Variants in EXOSC10 observed in about 807,000 individuals in gnomAD.
EXOSC10 encodes the protein exosome complex component 10.
Under a neutral mutation model 126.6 loss-of-function variants are expected in EXOSC10, and 94 were observed. The observed-to-expected ratio is 0.74, with a 90% confidence interval of 0.63 to 0.88. The LOEUF is 0.88. Ranked by LOEUF, EXOSC10 falls within the 40% of genes least tolerant of loss-of-function variation. The pLI is 0.00. For missense variants in EXOSC10, 1,041 were observed against 1,100.5 expected (o/e 0.95, Z 0.77); for synonymous variants, 395 against 400.8 (o/e 0.99, Z 0.17).
chr1:11,087,163 T>C (rs1370341584), intron 9 of EXOSC10, among the ~76,000 whole-genome samples: 1 of 152,194 alleles, frequency 6.6e-6, no homozygotes, highest in African/African-American at 2.4e-5. Flanking sequence ...AAAGCAGCTC[T>C]AGTAGCTTCA....
chr1:11,090,423 G>A (rs1355238590), intron 6 of EXOSC10, 131 bp downstream of exon 6: 2 of 761,472 alleles, frequency 2.6e-6, no homozygotes, highest in African/African-American at 3.5e-5. Flanking sequence ...TTATTGCTAA[G>A]GCCCAGGTTG....
Position 11,068,051 on chromosome 1 carries a change from C to T in EXOSC10, c.2584G>A (p.Val862Met), listed in dbSNP as rs185396251. The part of the protein sequence containing the change: ...CIAAKKIKQS[V>M]GNKSMSFPTG... Reference sequence around the variant, plus strand: ...GGAAAGGACATGCTTTTGTTTCCCACCGACTGTTTAATTTTTTTGGCTGCA... The same window carrying T: ...GGAAAGGACATGCTTTTGTTTCCCATCGACTGTTTAATTTTTTTGGCTGCA... Residue 862 changes from valine to methionine, a missense_variant, in exon 24 of 25, where the codon GTG (valine) becomes ATG (methionine). Around this residue, in one of 3 missense-constraint regions of EXOSC10, gnomAD observed 388 missense variants for 415.2 expected, o/e 0.93. Coordinates refer to ENST00000376936, the MANE Select transcript of EXOSC10 (RefSeq NM_001001998.3). 2.5e-6 allele frequency: 4 copies of T among 1,614,186 alleles called. No homozygotes were observed. Among genetic ancestry groups the T allele is most frequent in the Admixed American group, 1.7e-5 (1 of 60,016 alleles).
intron 13 of EXOSC10, 94 bp from the exon 14 acceptor site, chr1:11,079,916 GC>G: frequency 2.0e-6 from 2 of 1,006,422 alleles, no homozygotes; most frequent in Non-Finnish European, 3.0e-6. Flanking sequence ...AAGCCAGGCT[GC>G]CACCTAAGCT....
intron 17 of EXOSC10, among the ~76,000 whole-genome samples, chr1:11,076,510 G>A (rs1639825673): frequency 6.6e-6 from 1 of 152,212 alleles, no homozygotes; most frequent in Non-Finnish European, 1.5e-5. Flanking sequence ...CACCACCACT[G>A]CAGCTTGTCT....
chr1:11,096,970 A>G (rs1413951693), intron 2 of EXOSC10, among the ~76,000 whole-genome samples: 1 of 151,836 alleles, frequency 6.6e-6, no homozygotes, highest in Non-Finnish European at 1.5e-5. Context: ...TCCCAACACT[A>G]TGGGAGGCTG....
At chr1:11,090,160 G>A (rs757497126) in intron 6 of EXOSC10, among the ~76,000 whole-genome samples, 25 of 151,998 alleles carry the variant, frequency 1.6e-4, no homozygotes, top group Non-Finnish European at 2.8e-4. Context: ...ACCTCGCCTG[G>A]CTAATTTTTG....
chr1:11,073,637 C>T (rs937641903), intron 19 of EXOSC10, among the ~76,000 whole-genome samples: 14 of 152,046 alleles, frequency 9.2e-5, no homozygotes, highest in African/African-American at 3.4e-4. Flanking sequence ...CGTCTGTAGT[C>T]CCAGCACTTT....
rs767823315 is a variant in EXOSC10 at position 11,087,907 on chromosome 1, A to G, written c.838T>C (p.Tyr280His). The G allele has an allele frequency of 3.4e-5, 54 of 1,579,220 alleles. 1 individual carries two copies. The Admixed American group carries it at 9.0e-4, about 26-fold the overall frequency. The change falls in exon 8 of 25, where the codon TAC (tyrosine) becomes CAC (histidine). Residue 280 changes from tyrosine (Y) to histidine (H), a missense_variant. Tyr to His is a moderately conservative substitution (Grantham distance 83, BLOSUM62 2). Coordinates refer to ENST00000376936, the MANE Select transcript of EXOSC10 (RefSeq NM_001001998.3). ...CATGGTGTCTCTTCTATAGGTCTGT[A>G]TAACTGGATCAAGAGAATAGTAAGA... ...AVLQKPQPQL[Y>H]RPIEETPCHF...
At chr1:11,089,653 G>GA (rs1168127180) in intron 6 of EXOSC10, among the ~76,000 whole-genome samples, 1 of 150,790 alleles carries the variant, frequency 6.6e-6, no homozygotes, top group African/African-American at 2.4e-5. Context: ...AAGAAAGAAA[G>GA]AAAGAAAACA....
Position 11,071,105 on chromosome 1 carries a change from G to C in EXOSC10, c.2243-132C>G, listed in dbSNP as rs918458656. 210 of 730,652 alleles carry C rather than the reference G, an allele frequency of 2.9e-4. 1 individual carries two copies. In the Admixed American group the frequency reaches 5.2e-3, roughly 18 times the overall value. The allele number at this position is 730,652 out of a possible 1,614,324, so 45.3% of individuals were successfully genotyped here. A position where few individuals can be genotyped will look rare whatever the true frequency, so the allele number is the denominator to read the frequency against. On this transcript the variant is annotated intron_variant, in intron 20 of 24. Transcript: ENST00000376936. ...GATTCCTCCTCCCTCTCAGGTCCCC[G>C]GTCCCCCATCTCTGCAGGACAGGCT... is the stretch of plus-strand genomic sequence containing the variant.
chr1:11,088,362 A>G (rs908002598), intron 6 of EXOSC10, among the ~76,000 whole-genome samples, 164 bp from the exon 7 acceptor site: 2 of 152,236 alleles, frequency 1.3e-5, no homozygotes, highest in Non-Finnish European at 2.9e-5. Flanking sequence ...ACAAATCATA[A>G]ATCAGATGAT....
chr1:11,089,789 C>T (rs937187719), intron 6 of EXOSC10, among the ~76,000 whole-genome samples: 1 of 151,424 alleles, frequency 6.6e-6, no homozygotes, highest in Non-Finnish European at 1.5e-5. Context: ...ACAGAAAATA[C>T]AAAAATTAGC....
chr1:11,084,422 T>G (rs1005126516), intron 9 of EXOSC10, among the ~76,000 whole-genome samples: 2 of 152,236 alleles, frequency 1.3e-5, no homozygotes, highest in African/African-American at 4.8e-5. Flanking sequence ...TGCATAAATG[T>G]CTTCTTTTGA....
intron 6 of EXOSC10, 76 bp from the exon 7 acceptor site, chr1:11,088,274 A>C (rs1216704497): frequency 9.6e-7 from 1 of 1,039,394 alleles, no homozygotes; most frequent in Non-Finnish European, 1.4e-6. Context: ...CCTTTTATCC[A>C]ATCTGTAAAA....
At chr1:11,092,072 T>C (rs965591603) in intron 3 of EXOSC10, among the ~76,000 whole-genome samples, 1 of 152,226 alleles carries the variant, frequency 6.6e-6, no homozygotes, top group African/African-American at 2.4e-5. Context: ...GATCAATGTA[T>C]GTATCAAAAC....
chr1:11,074,851 C>T (rs574084734), intron 17 of EXOSC10, among the ~76,000 whole-genome samples: 1 of 152,244 alleles, frequency 6.6e-6, no homozygotes, highest in African/African-American at 2.4e-5. Context: ...CTCAGCATGT[C>T]CTCATAGCCT....
chr1:11,083,790 A>G (rs1471696990), intron 9 of EXOSC10, among the ~76,000 whole-genome samples: 1 of 144,756 alleles, frequency 6.9e-6, no homozygotes, highest in African/African-American at 2.6e-5. Context: ...TCCCCACCCC[A>G]CAACAGTCCC....
At chr1:11,070,265 T>TAAAAA (rs35601923) in intron 21 of EXOSC10, among the ~76,000 whole-genome samples, 2 of 100,584 alleles carry the variant, frequency 2.0e-5, no homozygotes, top group African/African-American at 4.3e-5. Context: ...AAAAGGAAAT[T>TAAAAA]AAAAAAAAAA....
rs1276892588 is a variant in EXOSC10, at chr1:11,077,375, G to A, written c.1869C>T (p.Ile623=). 1 of 1,611,204 alleles carries A rather than the reference G, an allele frequency of 6.2e-7. No homozygotes were observed. Among genetic ancestry groups the A allele is most frequent in the Non-Finnish European group, 8.5e-7 (1 of 1,177,758 alleles). Residue 623 remains isoleucine, a synonymous_variant, in exon 16 of 25, where the codon ATC becomes ATT. Transcript: ENST00000376936. The stretch of plus-strand genomic sequence containing the variant: ...GGCTCTCGACTTTACCACTGGTTGG[G>A]ATGATTGGATAGCCATCCGGAGGGG... The part of the protein sequence containing the change: ...SHAPPDGYPI[I]PTSGSVPVQK...
Sources: gnomAD v4.1 joint callset for allele counts (sites outside exome capture counted in the v4.1 genomes callset) on GRCh38, gnomAD v4.1.1 for gene constraint, gnomAD v4.1.1 regional missense constraint, MANE v1.5 for transcripts, NCBI Gene and HGNC (gene_info 2026-07-23, HGNC 2026-07-21) for gene names.